Variants in TENM2 observed in about 807,000 individuals in gnomAD.
TENM2 encodes the protein teneurin-2.
In TENM2, 52 loss-of-function variants were observed where a neutral mutation model predicts 245.2. That is an observed-to-expected ratio of 0.21 (90% CI 0.17 to 0.27). TENM2 has a LOEUF of 0.27. Among genes scored for constraint, TENM2 ranks in the 10% least tolerant of loss-of-function variants. TENM2 has a pLI of 1.00. For missense variants in TENM2, 3,046 were observed against 3,666.8 expected (o/e 0.83, Z 4.37); for synonymous variants, 1,363 against 1,438.9 (o/e 0.95, Z 1.19).
chr5:167,068,341 C>T, the TENM2 span, among the ~76,000 whole-genome samples: 14 of 152,128 alleles, frequency 9.2e-5, no homozygotes, highest in African/African-American at 3.4e-4. Flanking sequence ...TTGTTCACCA[C>T]CAGTATCGCC....
rs57452450 is a variant in TENM2 at position 168,250,104 on chromosome 5, GTGGATGGATGGATGGATGGATGGA to G, written c.7432+1777_7432+1800del. On this transcript the variant is annotated intron_variant, in intron 27 of 28. Transcript: ENST00000518659. ...ACTGGATGGCTGGCTGGCTGGATGA[GTGGATGGATGGATGGATGGATGGA>G]TGGATGGATGGATGGATGGATGGAT... is the stretch of plus-strand genomic sequence containing the variant. Among the ~76,000 whole-genome samples, 581 of 137,878 alleles carry G rather than the reference GTGGATGGATGGATGGATGGATGGA, an allele frequency of 4.2e-3. 4 individuals carry two copies. Among genetic ancestry groups the G allele is most frequent in the Admixed American group, 6.0e-3 (80 of 13,420 alleles). 90.5% of individuals were successfully genotyped at this position (137,878 alleles called of 152,430 possible).
chr5:167,103,687 C>T, the TENM2 span, among the ~76,000 whole-genome samples: 1 of 152,154 alleles, frequency 6.6e-6, no homozygotes, highest in Non-Finnish European at 1.5e-5. Flanking sequence ...CATCCATTCT[C>T]CCTGTGAATC....
intron 22 of TENM2, 139 bp from the exon 25 acceptor site, chr5:168,217,986 C>A: frequency 1.2e-6 from 1 of 830,066 alleles, no homozygotes; most frequent in Non-Finnish European, 1.8e-6. Flanking sequence ...GCAGCTGGTT[C>A]AATGAAGAGC....
At chr5:168,200,820 C>T (rs1256854810) in intron 17 of TENM2, among the ~76,000 whole-genome samples, 2 of 152,128 alleles carry the variant, frequency 1.3e-5, no homozygotes, top group Non-Finnish European at 2.9e-5. Flanking sequence ...TCTTAACCTA[C>T]CTTGTATCTT....
At chr5:168,215,934 A>G (rs535637003) in intron 21 of TENM2, among the ~76,000 whole-genome samples, 2 of 152,364 alleles carry the variant, frequency 1.3e-5, no homozygotes, top group African/African-American at 2.4e-5. Flanking sequence ...AGTGCCTCAC[A>G]TGTTGTAAAT....
chr5:167,835,903 A>G (rs1768944748), intron 2 of TENM2, among the ~76,000 whole-genome samples: 1 of 152,180 alleles, frequency 6.6e-6, no homozygotes, highest in African/African-American at 2.4e-5. Flanking sequence ...AGAACACTCA[A>G]TTGATAAAAC....
chr5:167,507,561 A>G (rs1438091507), intron 2 of TENM2, among the ~76,000 whole-genome samples: 3 of 152,230 alleles, frequency 2.0e-5, no homozygotes, highest in Non-Finnish European at 4.4e-5. Flanking sequence ...AGATGAATGT[A>G]GGCTTCACAT....
At chr5:167,310,320 C>T (rs1294351658) in intron 1 of TENM2, among the ~76,000 whole-genome samples, 2 of 152,206 alleles carry the variant, frequency 1.3e-5, no homozygotes, top group African/African-American at 2.4e-5. Context: ...TATAGCTTCT[C>T]ACAGCTCCAC....
At chr5:167,694,179 C>T (rs1414576256) in intron 2 of TENM2, among the ~76,000 whole-genome samples, 3 of 152,168 alleles carry the variant, frequency 2.0e-5, no homozygotes, top group African/African-American at 7.2e-5. Flanking sequence ...AATTTCTCAT[C>T]CCAAGTGAGC....
At chr5:167,833,463 C>T (rs1207906900) in intron 2 of TENM2, among the ~76,000 whole-genome samples, 1 of 152,148 alleles carries the variant, frequency 6.6e-6, no homozygotes, top group Non-Finnish European at 1.5e-5. Flanking sequence ...TAGATTGGTC[C>T]AGAAGAGTAG....
chr5:167,159,683 C>G, the TENM2 span, among the ~76,000 whole-genome samples: 1 of 152,098 alleles, frequency 6.6e-6, no homozygotes, highest in South Asian at 2.1e-4. Flanking sequence ...CAGGTGTTTT[C>G]TTTTTAGGAG....
chr5:168,259,382 G>A (rs1014724139), intron 27 of TENM2, among the ~76,000 whole-genome samples: 1 of 152,122 alleles, frequency 6.6e-6, no homozygotes, highest in Non-Finnish European at 1.5e-5. Context: ...GAGGTCGGGA[G>A]TTCGAAACCA....
At chr5:167,561,927 C>A (rs1319726542) in intron 2 of TENM2, among the ~76,000 whole-genome samples, 1 of 152,132 alleles carries the variant, frequency 6.6e-6, no homozygotes, top group Non-Finnish European at 1.5e-5. Flanking sequence ...GTCCTAGCGC[C>A]ACCTTTCAGC....
At chr5:167,704,717 C>G (rs118058759) in intron 2 of TENM2, among the ~76,000 whole-genome samples, 1 of 152,110 alleles carries the variant, frequency 6.6e-6, no homozygotes, top group Non-Finnish European at 1.5e-5. Context: ...ACTGGTTTTG[C>G]GTTTTTTGGC....
At chr5:168,059,076 C>T (rs1379506463) in intron 6 of TENM2, among the ~76,000 whole-genome samples, 4 of 152,160 alleles carry the variant, frequency 2.6e-5, no homozygotes, top group Admixed American at 6.5e-5. Context: ...GATGAGGAAG[C>T]GAGGATCTAA....
At chr5:167,909,401 C>G (rs1011899039) in intron 3 of TENM2, among the ~76,000 whole-genome samples, 3 of 152,086 alleles carry the variant, frequency 2.0e-5, no homozygotes, top group Non-Finnish European at 4.4e-5. Context: ...ATTGCTGCAA[C>G]CTGTGCATGT....
chr5:167,894,729 G>A (rs1775036023), intron 3 of TENM2, among the ~76,000 whole-genome samples: 4 of 151,990 alleles, frequency 2.6e-5, no homozygotes, highest in South Asian at 4.1e-4. Flanking sequence ...ACAAATTATT[G>A]TGCATATTTT....
the TENM2 span, among the ~76,000 whole-genome samples, chr5:167,231,253 A>G: frequency 6.6e-6 from 1 of 152,198 alleles, no homozygotes; most frequent in Admixed American, 6.5e-5. Flanking sequence ...CGACTTTGGA[A>G]CTCAGTAATA....
intron 2 of TENM2, among the ~76,000 whole-genome samples, chr5:167,491,255 G>A (rs550113031): frequency 1.2e-4 from 19 of 152,240 alleles, no homozygotes; most frequent in Admixed American, 5.2e-4. Flanking sequence ...TTTTAATGTC[G>A]TATGAAGCCA....
Sources: allele counts gnomAD v4.1 joint callset (sites outside exome capture counted in the v4.1 genomes callset), GRCh38; gene constraint gnomAD v4.1.1; transcripts MANE v1.5; gene names NCBI Gene and HGNC (gene_info 2026-07-23, HGNC 2026-07-21).